Variants in THRB observed in about 807,000 individuals in gnomAD.
THRB encodes thyroid hormone receptor beta.
A neutral mutation model predicts 47.8 loss-of-function variants in THRB; 12 were observed. That is an observed-to-expected ratio of 0.25 (90% CI 0.16 to 0.41). The LOEUF (loss-of-function observed/expected upper bound fraction) is 0.41, where lower values mean the gene tolerates loss of function less well. THRB is among the 10% of genes least tolerant of loss of function. THRB has a pLI of 1.00. For synonymous variants in THRB, 218 were observed against 212.2 expected (o/e 1.03, Z -0.24); for missense variants, 348 against 589.2 (o/e 0.59, Z 4.24).
intron 3 of THRB, among the ~76,000 whole-genome samples, chr3:24,270,633 G>A (rs547606348): frequency 1.3e-5 from 2 of 152,258 alleles, no homozygotes; most frequent in Admixed American, 6.5e-5. Context: ...GACAGCTAAC[G>A]GGGGTCAGTT....
At chr3:24,210,232 G>A (rs2045878391) in intron 4 of THRB, among the ~76,000 whole-genome samples, 1 of 152,166 alleles carries the variant, frequency 6.6e-6, no homozygotes, top group South Asian at 2.1e-4. Flanking sequence ...TACCTAGAAA[G>A]TTGAAAAGAT....
At chr3:24,163,255 G>A (rs1183093192) in intron 5 of THRB, among the ~76,000 whole-genome samples, 1 of 152,164 alleles carries the variant, frequency 6.6e-6, no homozygotes, top group Admixed American at 6.6e-5. Flanking sequence ...ATATTTGCCT[G>A]TTTTGATTTA....
chr3:24,389,457 T>C (rs908458069), intron 1 of THRB, among the ~76,000 whole-genome samples: 2 of 152,206 alleles, frequency 1.3e-5, no homozygotes, highest in Non-Finnish European at 2.9e-5. Context: ...CCTTTTATTA[T>C]TATAGCAACG....
intron 1 of THRB, among the ~76,000 whole-genome samples, chr3:24,369,831 C>T (rs573729903): frequency 4.6e-5 from 7 of 152,218 alleles, no homozygotes; most frequent in African/African-American, 1.7e-4. Context: ...TATTTAAATG[C>T]CCAATACCTA....
At chr3:24,337,629 T>G (rs1384229553) in intron 1 of THRB, among the ~76,000 whole-genome samples, 1 of 152,196 alleles carries the variant, frequency 6.6e-6, no homozygotes, top group Non-Finnish European at 1.5e-5. Flanking sequence ...ATCTCAGAGA[T>G]GTACATTTCT....
At chr3:24,221,879 G>A (rs993099723) in intron 4 of THRB, among the ~76,000 whole-genome samples, 1 of 152,152 alleles carries the variant, frequency 6.6e-6, no homozygotes, top group African/African-American at 2.4e-5. Context: ...CTTTTCTGTA[G>A]TAAGTTTCTC....
At chr3:24,279,505 C>G (rs551867673) in intron 3 of THRB, among the ~76,000 whole-genome samples, 31 of 152,186 alleles carry the variant, frequency 2.0e-4, no homozygotes, top group African/African-American at 7.5e-4. Context: ...CTGCCTCAGC[C>G]TCCCGAGTAG....
intron 1 of THRB, among the ~76,000 whole-genome samples, chr3:24,467,871 G>A (rs1220029608): frequency 7.2e-6 from 1 of 139,000 alleles, no homozygotes; most frequent in African/African-American, 2.7e-5. Flanking sequence ...CTAACAAAAG[G>A]GCCAGTCTGT....
At chr3:24,191,731 C>T (rs887082630) in intron 4 of THRB, among the ~76,000 whole-genome samples, 12 of 152,196 alleles carry the variant, frequency 7.9e-5, no homozygotes, top group African/African-American at 2.7e-4. Context: ...TTTACCCTTC[C>T]GGGTTTTCAT....
At chr3:24,368,137 T>C (rs2149714359) in intron 1 of THRB, among the ~76,000 whole-genome samples, 1 of 152,290 alleles carries the variant, frequency 6.6e-6, no homozygotes, top group East Asian at 1.9e-4. Context: ...ATTTAATCCT[T>C]ATACAACTCC....
chr3:24,232,449 C>T (rs1046633496), intron 3 of THRB, among the ~76,000 whole-genome samples: 1 of 152,188 alleles, frequency 6.6e-6, no homozygotes, highest in Non-Finnish European at 1.5e-5. Flanking sequence ...GTCATTTCTA[C>T]TTGGGCTTAT....
chr3:24,242,965 G>T lies in THRB; in HGVS notation c.-42-13964C>A, dbSNP rs1168420931. The stretch of plus-strand genomic sequence containing the variant: ...ATGAGCAAGAGGGGTCATCTGTGGG[G>T]TTTTGTTTCCTAGCTGCAAAGTCAA... On this transcript the variant is annotated intron_variant, in intron 3 of 10. Transcript: ENST00000646209. Among the ~76,000 whole-genome samples the T allele has an allele frequency of 2.0e-5, 3 of 150,804 alleles. No individual in the cohort carries two copies. In the East Asian group the frequency reaches 5.9e-4, roughly 30 times the overall value.
At chr3:24,261,105 C>G (rs916228643) in intron 3 of THRB, among the ~76,000 whole-genome samples, 1 of 152,196 alleles carries the variant, frequency 6.6e-6, no homozygotes, top group Non-Finnish European at 1.5e-5. Flanking sequence ...CACTTAGAGA[C>G]ATGTTGCAGA....
chr3:24,409,035 G>A (rs1185357263), intron 1 of THRB, among the ~76,000 whole-genome samples: 1 of 151,786 alleles, frequency 6.6e-6, no homozygotes, highest in Non-Finnish European at 1.5e-5. Flanking sequence ...AACCCTCAAT[G>A]TAATTACAGT....
At chr3:24,180,299 C>T (rs564082591) in intron 5 of THRB, among the ~76,000 whole-genome samples, 1 of 152,266 alleles carries the variant, frequency 6.6e-6, no homozygotes, top group Non-Finnish European at 1.5e-5. Flanking sequence ...GGTTGGGGTA[C>T]AATCTGCAAG....
At chr3:24,148,528 C>T (rs2036451563) in intron 6 of THRB, among the ~76,000 whole-genome samples, 1 of 152,318 alleles carries the variant, frequency 6.6e-6, no homozygotes, top group South Asian at 2.1e-4. Flanking sequence ...TCCCAAAGTG[C>T]TGGGATTACA....
intron 2 of THRB, among the ~76,000 whole-genome samples, chr3:24,317,165 G>A (rs1261097649): frequency 1.3e-5 from 2 of 152,186 alleles, no homozygotes; most frequent in African/African-American, 4.8e-5. Context: ...TATGGGGTCT[G>A]TAAGTATGAG....
chr3:24,175,541 T>A (rs942418422), intron 5 of THRB, among the ~76,000 whole-genome samples: 2 of 152,134 alleles, frequency 1.3e-5, no homozygotes, highest in African/African-American at 4.8e-5. Context: ...AGGCTGGAGA[T>A]TGAAAGAAAA....
In THRB at chr3:24,120,170, T is replaced by G. The variant is rs1368111144; in HGVS notation, c.*2714A>C. ...CTGTCAGCTTCAGAAGGAAGGAGTT[T>G]AGTTTCAGAGTCATTATCTTTTGAG... On this transcript the variant is annotated 3_prime_UTR_variant, in exon 11 of 11. Transcript: ENST00000646209. The G allele has an allele frequency of 6.6e-6, 1 of 152,228 alleles. No individual in the cohort carries two copies. Among genetic ancestry groups the G allele is most frequent in the African/African-American group, 2.4e-5 (1 of 41,442 alleles). 9.4% of individuals were successfully genotyped at this position (152,228 alleles called of 1,614,324 possible). A position where few individuals can be genotyped will look rare whatever the true frequency, so the allele number is the denominator to read the frequency against.
Sources: allele counts gnomAD v4.1 joint callset (sites outside exome capture counted in the v4.1 genomes callset), GRCh38; gene constraint gnomAD v4.1.1; transcripts MANE v1.5; gene names NCBI Gene and HGNC (gene_info 2026-07-23, HGNC 2026-07-21).